Variants in XG observed in about 807,000 individuals in gnomAD.
The protein encoded by XG is Xg glycoprotein (Xg blood group).
A neutral mutation model predicts 25.7 loss-of-function variants in XG; 24 were observed. The observed-to-expected ratio is 0.93, with a 90% confidence interval of 0.68 to 1.31. The LOEUF (loss-of-function observed/expected upper bound fraction) is 1.31, where lower values mean the gene tolerates loss of function less well. Among genes scored for constraint, XG ranks in the 40% most tolerant of loss-of-function variants. The probability of loss-of-function intolerance (pLI) is 0.00; values close to 1 mark genes in which losing one functional copy is unlikely to be tolerated. For synonymous variants in XG, 77 were observed against 69.2 expected (o/e 1.11, Z -0.56); for missense variants, 181 against 187.6 (o/e 0.96, Z 0.21).
intron 1 of XG, among the ~76,000 whole-genome samples, chrX:2,756,332 G>GA (rs368638503): frequency 4.6e-5 from 7 of 151,178 alleles, no homozygotes; most frequent in Admixed American, 4.0e-4. Context: ...TTATTGAGGG[G>GA]AAAAAAAAGA....
chrX:2,771,107 GTT>G (rs1435805128), intron 2 of XG, among the ~76,000 whole-genome samples: 65 of 152,154 alleles, frequency 4.3e-4, no homozygotes, highest in Non-Finnish European at 9.3e-4. Flanking sequence ...TTCTACCTTG[GTT>G]TCTCAAAACA....
At chrX:2,766,012 A>G (rs2050676454) in intron 1 of XG, among the ~76,000 whole-genome samples, 1 of 152,236 alleles carries the variant, frequency 6.6e-6, no homozygotes, top group Non-Finnish European at 1.5e-5. Context: ...GTCTATATTT[A>G]TGCTTTGGTT....
At chrX:2,752,478 T>C (rs1047712811) in intron 1 of XG, 143 bp downstream of exon 1, 30 of 1,171,794 alleles carry the variant, frequency 2.6e-5, no homozygotes, top group Admixed American at 8.3e-5. Flanking sequence ...CTAAGAGCGA[T>C]GGGTGGCTGA....
rs1030461656 is a variant in XG, at chrX:2,815,346, A to T, written c.*966A>T. ...TGGGCATATTGGTATAGTTTGAGTA[A>T]ACTAAGGTTAATGTTCATATAACAT... On this transcript the variant is annotated 3_prime_UTR_variant, in exon 11 of 11. Coordinates refer to ENST00000644266, the MANE Select transcript of XG (RefSeq NM_001141919.2). 9 of 111,975 alleles carry T rather than the reference A, an allele frequency of 8.0e-5. No homozygotes were observed. The highest frequency in any genetic ancestry group is 2.6e-4 in the African/African-American group (8 of 30,808). 9.2% of individuals were successfully genotyped at this position (111,975 alleles called of 1,213,427 possible). A position where few individuals can be genotyped will look rare whatever the true frequency, so the allele number is the denominator to read the frequency against.
chrX:2,759,217 T>C (rs1406334698), intron 1 of XG, among the ~76,000 whole-genome samples: 15 of 152,168 alleles, frequency 9.9e-5, no homozygotes, highest in Non-Finnish European at 5.9e-5. Context: ...AGACAAGGCA[T>C]GTTGTTCAAC....
intron 1 of XG, among the ~76,000 whole-genome samples, chrX:2,757,965 C>T (rs1428357684): frequency 2.7e-5 from 3 of 111,674 alleles, no homozygotes; most frequent in Non-Finnish European, 3.4e-5. Flanking sequence ...GAGTAAGACT[C>T]CATCTCAAAA....
intron 1 of XG, among the ~76,000 whole-genome samples, chrX:2,764,237 T>A (rs751922523): frequency 6.6e-6 from 1 of 152,276 alleles, no homozygotes; most frequent in East Asian, 1.9e-4. Context: ...GGCCACTCCT[T>A]GTTTAGCATA....
intron 2 of XG, among the ~76,000 whole-genome samples, chrX:2,773,207 G>C (rs979004474): frequency 6.7e-6 from 1 of 149,154 alleles, no homozygotes; most frequent in Admixed American, 6.8e-5. Flanking sequence ...AGAAAAGGAA[G>C]AAGAGAGGGA....
chrX:2,781,131 A>G (rs1424579260), intron 3 of XG, among the ~76,000 whole-genome samples: 1 of 152,050 alleles, frequency 6.6e-6, no homozygotes, highest in Non-Finnish European at 1.5e-5. Flanking sequence ...GTGGTTAAAT[A>G]TTAAAAGCCA....
At chrX:2,753,549 C>G (rs777573825) in intron 1 of XG, among the ~76,000 whole-genome samples, 2 of 151,828 alleles carry the variant, frequency 1.3e-5, no homozygotes, top group African/African-American at 4.8e-5. Context: ...TCAGTACAAA[C>G]GAAAACTGTA....
At chrX:2,764,873 A>G (rs2535453) in intron 1 of XG, among the ~76,000 whole-genome samples, 5 of 144,672 alleles carry the variant, frequency 3.5e-5, no homozygotes, top group Admixed American at 7.0e-5. Flanking sequence ...AAACCCCGTC[A>G]TTACTAAAAA....
At chrX:2,754,050 G>T (rs908409575) in intron 1 of XG, among the ~76,000 whole-genome samples, 1 of 152,050 alleles carries the variant, frequency 6.6e-6, no homozygotes, top group African/African-American at 2.4e-5. Context: ...CGTTTGGTAG[G>T]GTAGTTGTAT....
chrX:2,805,580 C>G (rs1378021588), intron 7 of XG, among the ~76,000 whole-genome samples: 4 of 104,233 alleles, frequency 3.8e-5, no homozygotes, highest in Non-Finnish European at 7.8e-5. Context: ...TTAGAAACAG[C>G]AGACATTGAT....
At chrX:2,780,496 G>A (rs1053004346) in intron 3 of XG, among the ~76,000 whole-genome samples, 12 of 150,582 alleles carry the variant, frequency 8.0e-5, no homozygotes, top group Non-Finnish European at 1.3e-4. Context: ...TTGGGAGGCC[G>A]AGGTGGGTGG....
chrX:2,789,692 C>G lies in XG; in HGVS notation c.239C>G (p.Ser80Cys). The G allele has an allele frequency of 1.8e-6, 2 of 1,135,464 alleles. No homozygotes were observed. Among genetic ancestry groups the G allele is most frequent in the African/African-American group, 1.8e-5 (1 of 54,884 alleles). The allele number at this position is 1,135,464 out of a possible 1,213,427, so 93.6% of individuals were successfully genotyped here. Reference protein sequence around the residue: ...KPRPQPQPGNSGNSGGYFNDV... With the variant: ...KPRPQPQPGNCGNSGGYFNDV... ...CGCCCTCAACCCCAGCCTGGCAATT[C>G]CGGCAACAGTGGAGGTAATGAGTAT... Residue 80 changes from serine to cysteine, a missense_variant, in exon 5 of 11, where the codon TCC becomes TGC. Physicochemically the swap from Ser to Cys is moderately radical, Grantham distance 112. Transcript: ENST00000644266.
intron 9 of XG, among the ~76,000 whole-genome samples, chrX:2,810,831 G>A (rs141066369): frequency 0.17 from 18,442 of 110,579 alleles, 1,821 homozygotes; most frequent in African/African-American, 0.37. Context: ...CAGGAGAATC[G>A]CTTGAACCCG....
intron 7 of XG, among the ~76,000 whole-genome samples, chrX:2,806,224 G>T (rs746409296): frequency 4.2e-4 from 46 of 109,436 alleles, no homozygotes; most frequent in African/African-American, 1.4e-3. Context: ...TAGAAACGGG[G>T]TCTCACTATG....
chrX:2,776,211 T>G (rs112750833), intron 3 of XG, among the ~76,000 whole-genome samples: 3 of 151,398 alleles, frequency 2.0e-5, no homozygotes, highest in African/African-American at 7.3e-5. Context: ...CTCTCGGTCC[T>G]GAGGAAGGGG....
chrX:2,794,729 T>A, intron 6 of XG, 126 bp downstream of exon 6: 1 of 788,080 alleles, frequency 1.3e-6, no homozygotes, highest in Non-Finnish European at 1.8e-6. Flanking sequence ...GACGATAAGC[T>A]GGTGCAGGGG....
Sources: gnomAD v4.1 joint callset for allele counts (sites outside exome capture counted in the v4.1 genomes callset) on GRCh38, gnomAD v4.1.1 for gene constraint, MANE v1.5 for transcripts, NCBI Gene and HGNC (gene_info 2026-07-23, HGNC 2026-07-21) for gene names.